The following AHCYL1 variants were observed in gnomAD, a reference collection of about 807,000 sequenced individuals.
The protein encoded by AHCYL1 is S-adenosylhomocysteine hydrolase-like protein 1.
AHCYL1 carries 20 observed loss-of-function variants against 79.3 expected under a neutral mutation model. The ratio of observed to expected loss-of-function variants is 0.25; its 90% CI spans 0.18 to 0.37. The LOEUF (loss-of-function observed/expected upper bound fraction) is 0.37, where lower values mean the gene tolerates loss of function less well. Among genes scored for constraint, AHCYL1 ranks in the 10% least tolerant of loss-of-function variants. The pLI is 1.00. For missense variants in AHCYL1, 330 were observed against 673.6 expected, an observed-to-expected ratio of 0.49 and a Z score of 5.65; for synonymous variants, 223 against 242.2, an observed-to-expected ratio of 0.92 and a Z score of 0.74.
chr1:110,013,383 C>A (rs964045728), intron 5 of AHCYL1, among the ~76,000 whole-genome samples: 1 of 152,142 alleles, frequency 6.6e-6, no homozygotes, highest in Non-Finnish European at 1.5e-5. Context: ...AATATATGAG[C>A]TATTTGTGAG....
At chr1:109,992,134 C>T (rs1009567562) in intron 1 of AHCYL1, among the ~76,000 whole-genome samples, 5 of 151,996 alleles carry the variant, frequency 3.3e-5, no homozygotes, top group African/African-American at 1.2e-4. Context: ...ACAGGCTGGG[C>T]CCAGTGGCTC....
chr1:109,986,835 A>G (rs574333506), intron 1 of AHCYL1, among the ~76,000 whole-genome samples: 75 of 152,348 alleles, frequency 4.9e-4, no homozygotes, highest in African/African-American at 1.8e-3. Flanking sequence ...GTAGGTACTC[A>G]AATATTAATT....
intron 5 of AHCYL1, 88 bp downstream of exon 5, chr1:110,013,087 CAT>C: frequency 1.0e-6 from 1 of 974,396 alleles, no homozygotes. Context: ...ATTACAATAT[CAT>C]ATATGTCTAG....
intron 1 of AHCYL1, among the ~76,000 whole-genome samples, chr1:109,987,535 C>G (rs1045805567): frequency 7.9e-5 from 12 of 152,186 alleles, no homozygotes; most frequent in African/African-American, 2.9e-4. Context: ...TCAGGGTGAC[C>G]TTGATGGTCC....
rs575236216 is a variant in AHCYL1, at chr1:110,018,687, G to GC, written c.1317+38dup. 37 of 1,578,724 alleles carry GC rather than the reference G, an allele frequency of 2.3e-5. No individual in the cohort carries two copies. In the African/African-American group the frequency reaches 3.8e-4, roughly 16 times the overall value. Reference sequence around the variant, plus strand: ...GAAGGACCCTGGCAGAGCAGCACAAGCAGAGTAGTTAGATCTATGAGGGGG... The same window carrying GC: ...GAAGGACCCTGGCAGAGCAGCACAAGCCAGAGTAGTTAGATCTATGAGGGGG... On this transcript the variant is annotated intron_variant, in intron 13 of 16. Coordinates refer to ENST00000369799, the MANE Select transcript of AHCYL1 (RefSeq NM_006621.7).
intron 1 of AHCYL1, among the ~76,000 whole-genome samples, chr1:109,985,982 T>C (rs543846793): frequency 1.3e-5 from 2 of 152,352 alleles, no homozygotes; most frequent in East Asian, 3.9e-4. Flanking sequence ...CTCTCATAAA[T>C]GGCAACCTTT....
intron 5 of AHCYL1, 74 bp from the exon 6 acceptor site, chr1:110,014,689 T>G (rs1651289838): frequency 8.7e-7 from 1 of 1,142,952 alleles, no homozygotes; most frequent in Non-Finnish European, 1.3e-6. Flanking sequence ...TCTCTTCACA[T>G]GGATCTCAGA....
At position 109,984,826 on chromosome 1, in the gene AHCYL1, T is replaced by TCGGA; in HGVS notation, c.-227_-226insCGGA. ...GCGCGGGCAGGTCGGAGCTCGGAGC[T>TCGGA]GCTGTTCTGGTTCTCTTGTGGCCGC... On this transcript the variant is annotated 5_prime_UTR_variant, in exon 1 of 17. Coordinates refer to ENST00000369799, the MANE Select transcript of AHCYL1 (RefSeq NM_006621.7). 2 of 369,358 alleles carry TCGGA rather than the reference T, an allele frequency of 5.4e-6. No homozygotes were observed. The highest frequency in any genetic ancestry group is 7.2e-6 in the Non-Finnish European group (2 of 279,264). The allele number at this position is 369,358 out of a possible 1,614,324, so 22.9% of individuals were successfully genotyped here.
chr1:109,985,514 G>A (rs750599482), intron 1 of AHCYL1: 68 of 1,015,240 alleles, frequency 6.7e-5, no homozygotes, highest in Non-Finnish European at 7.5e-5. Flanking sequence ...CAGTCCGGGG[G>A]CATGGGGTGT....
chr1:109,988,021 A>T (rs981725363), intron 1 of AHCYL1, among the ~76,000 whole-genome samples: 3 of 152,348 alleles, frequency 2.0e-5, no homozygotes, highest in African/African-American at 7.2e-5. Flanking sequence ...CACAGAACAT[A>T]TATGTGATAT....
At chr1:110,012,833 G>A in intron 4 of AHCYL1, 64 bp from the exon 5 acceptor site, 1 of 1,298,982 alleles carries the variant, frequency 7.7e-7, no homozygotes, top group East Asian at 2.3e-5. Context: ...TCTTGATGAG[G>A]CTTGCTCTCC....
At chr1:110,007,574 A>T (rs1487423176) in intron 1 of AHCYL1, among the ~76,000 whole-genome samples, 1 of 152,140 alleles carries the variant, frequency 6.6e-6, no homozygotes, top group Non-Finnish European at 1.5e-5. Flanking sequence ...GTGAAAGAGG[A>T]GGAGAAGCTT....
At chr1:110,018,531 A>C in intron 12 of AHCYL1, 21 bp from the exon 13 acceptor site, 1 of 1,613,996 alleles carries the variant, frequency 6.2e-7, no homozygotes, top group Non-Finnish European at 8.5e-7. Context: ...ACCATAGTCA[A>C]CTGTGCTTTC....
At chr1:110,005,868 G>A (rs1402471601) in intron 1 of AHCYL1, among the ~76,000 whole-genome samples, 1 of 152,038 alleles carries the variant, frequency 6.6e-6, no homozygotes, top group Admixed American at 6.6e-5. Context: ...CTCTTGGTAA[G>A]GTCTGCACAA....
At chr1:109,986,671 T>C (rs949105279) in intron 1 of AHCYL1, among the ~76,000 whole-genome samples, 2 of 152,248 alleles carry the variant, frequency 1.3e-5, no homozygotes, top group African/African-American at 4.8e-5. Flanking sequence ...CTGTCTTCTT[T>C]GCTGTTACTT....
intron 1 of AHCYL1, among the ~76,000 whole-genome samples, chr1:109,988,575 C>T (rs377320883): frequency 6.6e-6 from 1 of 152,128 alleles, no homozygotes; most frequent in East Asian, 1.9e-4. Context: ...TAGTGTAAAC[C>T]CAAATCTCCA....
At chr1:110,003,217 A>G (rs929026722) in intron 1 of AHCYL1, among the ~76,000 whole-genome samples, 11 of 152,218 alleles carry the variant, frequency 7.2e-5, no homozygotes, top group Non-Finnish European at 1.3e-4. Context: ...GTGATATGTC[A>G]TCATGGTTCT....
chr1:110,016,595 C>T, intron 8 of AHCYL1, 72 bp from the exon 9 acceptor site: 1 of 1,603,810 alleles, frequency 6.2e-7, no homozygotes, highest in Admixed American at 1.7e-5. Context: ...TTGGCCCACA[C>T]TTTTAACTTT....
At chr1:110,000,027 A>G (rs1440945480) in intron 1 of AHCYL1, among the ~76,000 whole-genome samples, 1 of 152,222 alleles carries the variant, frequency 6.6e-6, no homozygotes, top group African/African-American at 2.4e-5. Context: ...AAATTATCTG[A>G]TTGTGCTAAG....
Sources: gnomAD v4.1 joint callset for allele counts (sites outside exome capture counted in the v4.1 genomes callset) on GRCh38, gnomAD v4.1.1 for gene constraint, MANE v1.5 for transcripts, NCBI Gene and HGNC (gene_info 2026-07-23, HGNC 2026-07-21) for gene names.